FAM53A: variants seen among roughly 807,000 people sequenced by gnomAD.
FAM53A encodes protein FAM53A.
In FAM53A, 28 loss-of-function variants were observed where a neutral mutation model predicts 26.6. The ratio of observed to expected loss-of-function variants is 1.05; its 90% CI spans 0.78 to 1.45. FAM53A has a LOEUF of 1.45. Ranked by LOEUF, FAM53A falls within the 40% of genes most tolerant of loss-of-function variation. FAM53A has a pLI of 0.00. For synonymous variants in FAM53A, 290 were observed against 253.1 expected, an observed-to-expected ratio of 1.15 and a Z score of -1.38; for missense variants, 650 against 575.8, an observed-to-expected ratio of 1.13 and a Z score of -1.32.
At chr4:1,666,350 C>CA (rs1714233248) in intron 2 of FAM53A, among the ~76,000 whole-genome samples, 1 of 144,562 alleles carries the variant, frequency 6.9e-6, no homozygotes, top group African/African-American at 2.6e-5. Flanking sequence ...ACCTGCACCC[C>CA]CTGTATCTAA....
the FAM53A span, among the ~76,000 whole-genome samples, chr4:1,583,355 G>C: frequency 6.6e-6 from 1 of 152,358 alleles, no homozygotes. Context: ...CAGGAGGCAA[G>C]GTGGCCACAT....
chr4:1,671,001 C>A (rs1247076534), intron 1 of FAM53A, among the ~76,000 whole-genome samples: 8 of 148,822 alleles, frequency 5.4e-5, no homozygotes, highest in Admixed American at 1.3e-4. Flanking sequence ...TCTGTCCCAG[C>A]GTCAGAGCCA....
intron 4 of FAM53A, among the ~76,000 whole-genome samples, chr4:1,651,349 T>C (rs946154827): frequency 1.3e-5 from 2 of 150,858 alleles, no homozygotes; most frequent in Non-Finnish European, 1.5e-5. Flanking sequence ...CTGGACAACA[T>C]GGTAAAATCC....
At chr4:1,653,687 AG>A (rs1404429215) in intron 4 of FAM53A, among the ~76,000 whole-genome samples, 1 of 152,208 alleles carries the variant, frequency 6.6e-6, no homozygotes, top group African/African-American at 2.4e-5. Flanking sequence ...ATAGCAGGGA[AG>A]TCTGGGTTTT....
intron 1 of FAM53A, chr4:1,683,314 G>A (rs150489998): frequency 1.0e-4 from 16 of 152,384 alleles, no homozygotes; most frequent in African/African-American, 3.4e-4. Context: ...TGATGAGGGA[G>A]AAGGTCAGGC....
chr4:1,668,810 G>C lies in FAM53A; in HGVS notation c.-69C>G. 6.7e-7 allele frequency: 1 copy of C among 1,494,190 alleles called. No homozygotes were observed. The highest frequency in any genetic ancestry group is 9.3e-7 in the Non-Finnish European group (1 of 1,075,456). 92.6% of individuals were successfully genotyped at this position (1,494,190 alleles called of 1,614,324 possible). A position where few individuals can be genotyped will look rare whatever the true frequency, so the allele number is the denominator to read the frequency against. On this transcript the variant is annotated 5_prime_UTR_variant, in exon 2 of 5. Coordinates refer to ENST00000308132, the MANE Select transcript of FAM53A (RefSeq NM_001174070.3). ...GTCCTGGAACATCAGACTTGCGAAG[G>C]CCCCAGCATTGCTGGGTCAGCCAAA...
At chr4:1,635,746 G>A (rs539240283), downstream of FAM53A, among the ~76,000 whole-genome samples, 3 of 151,422 alleles carry the variant, frequency 2.0e-5, no homozygotes, top group Admixed American at 6.6e-5. Context: ...TACATCAAGT[G>A]CATTTTTGGA....
intron 1 of FAM53A, among the ~76,000 whole-genome samples, chr4:1,631,268 C>T (rs1019844037): frequency 2.6e-5 from 4 of 152,152 alleles, no homozygotes; most frequent in South Asian, 2.1e-4. Flanking sequence ...GCAATAGCAG[C>T]GGTGGACAAG....
downstream of FAM53A, among the ~76,000 whole-genome samples, chr4:1,638,881 AC>A (rs1223663238): frequency 6.6e-6 from 1 of 152,220 alleles, no homozygotes; most frequent in Non-Finnish European, 1.5e-5. Flanking sequence ...TCCAGGTAAC[AC>A]AGTGGACAGA....
intron 2 of FAM53A, among the ~76,000 whole-genome samples, chr4:1,666,517 C>T (rs1400648344): frequency 6.6e-6 from 1 of 152,246 alleles, no homozygotes; most frequent in African/African-American, 2.4e-5. Flanking sequence ...CCAGGACATC[C>T]GTCCAGACAC....
At chr4:1,622,144 G>A (rs920470146) in intron 1 of FAM53A, among the ~76,000 whole-genome samples, 3 of 152,168 alleles carry the variant, frequency 2.0e-5, no homozygotes, top group Admixed American at 6.5e-5. Flanking sequence ...TGAGCCCGCC[G>A]ACCCCTGTTC....
downstream of FAM53A, among the ~76,000 whole-genome samples, chr4:1,639,638 A>G (rs2108795630): frequency 6.6e-6 from 1 of 152,252 alleles, no homozygotes; most frequent in South Asian, 2.1e-4. Flanking sequence ...CTAAGGCCCC[A>G]AACTCCCCAG....
At chr4:1,592,922 G>A in the FAM53A span, among the ~76,000 whole-genome samples, 9 of 152,132 alleles carry the variant, frequency 5.9e-5, no homozygotes, top group Non-Finnish European at 1.3e-4. Context: ...TCCTGGCTGC[G>A]GGGCCCGGGG....
the FAM53A span, among the ~76,000 whole-genome samples, chr4:1,576,407 G>A: frequency 6.6e-6 from 1 of 152,212 alleles, no homozygotes; most frequent in Non-Finnish European, 1.5e-5. Context: ...ACAGCCCAGA[G>A]CACCCCACAG....
chr4:1,625,910 C>A (rs1715278405), intron 1 of FAM53A, among the ~76,000 whole-genome samples: 1 of 152,214 alleles, frequency 6.6e-6, no homozygotes, highest in African/African-American at 2.4e-5. Context: ...GTCCAGAGAC[C>A]CCAGAGGCAG....
At chr4:1,682,392 A>T (rs898798602) in intron 1 of FAM53A, among the ~76,000 whole-genome samples, 1 of 150,882 alleles carries the variant, frequency 6.6e-6, no homozygotes, top group African/African-American at 2.4e-5. Context: ...CCTCCCGAGT[A>T]GCTGGGATTA....
At chr4:1,635,366 G>A (rs995783553), downstream of FAM53A, among the ~76,000 whole-genome samples, 18 of 151,832 alleles carry the variant, frequency 1.2e-4, no homozygotes, top group South Asian at 2.1e-4. Flanking sequence ...CTCAACCTCC[G>A]GGACTCAAAC....
chr4:1,663,418 T>G (rs761635058), intron 2 of FAM53A, among the ~76,000 whole-genome samples: 31 of 152,100 alleles, frequency 2.0e-4, no homozygotes, highest in Admixed American at 3.9e-4. Context: ...CACATGAATG[T>G]TCACAGCTGC....
At chr4:1,681,119 G>T (rs1020695257) in intron 1 of FAM53A, among the ~76,000 whole-genome samples, 1 of 151,928 alleles carries the variant, frequency 6.6e-6, no homozygotes, top group African/African-American at 2.4e-5. Context: ...TTTTTGAGAT[G>T]AAGTTTCGCT....
Sources: gnomAD v4.1 joint callset for allele counts (sites outside exome capture counted in the v4.1 genomes callset) on GRCh38, gnomAD v4.1.1 for gene constraint, MANE v1.5 for transcripts, NCBI Gene and HGNC (gene_info 2026-07-23, HGNC 2026-07-21) for gene names.